Variants in TMEM233 observed in about 807,000 individuals in gnomAD.
TMEM233 encodes dispanin subfamily B member 2.
In TMEM233, 6 loss-of-function variants were observed where a neutral mutation model predicts 11.2. The ratio of observed to expected loss-of-function variants is 0.54; its 90% CI spans 0.29 to 1.06. The LOEUF (loss-of-function observed/expected upper bound fraction) is 1.06. Among genes scored for constraint, TMEM233 ranks in the 50% least tolerant of loss-of-function variants. TMEM233 has a pLI of 0.08. For missense variants in TMEM233, 127 were observed against 144.7 expected (o/e 0.88, Z 0.63); for synonymous variants, 59 against 55.8 (o/e 1.06, Z -0.26).
At chr12:119,609,496 C>T (rs899210899) in intron 1 of TMEM233, among the ~76,000 whole-genome samples, 1 of 152,200 alleles carries the variant, frequency 6.6e-6, no homozygotes, top group African/African-American at 2.4e-5. Context: ...TATCAGAGAC[C>T]TTCAAGGCAG....
rs1955066078 is a variant in TMEM233, at chr12:119,640,589, G to A, written c.324-110G>A. The A allele has an allele frequency of 2.4e-6, 3 of 1,259,234 alleles. No homozygotes were observed. In the East Asian group the frequency reaches 7.6e-5, roughly 32 times the overall value. The allele number at this position is 1,259,234 out of a possible 1,614,324, so 78.0% of individuals were successfully genotyped here. A position where few individuals can be genotyped will look rare whatever the true frequency, so the allele number is the denominator to read the frequency against. On this transcript the variant is annotated intron_variant, in intron 2 of 2. Transcript: ENST00000426426. ...CGCAGGCTGGTACATTTCAACATGTGTTTAACCAGAGTCATCATCATCAAA... is the reference window on the plus strand; with the variant it reads ...CGCAGGCTGGTACATTTCAACATGTATTTAACCAGAGTCATCATCATCAAA...
intron 2 of TMEM233, among the ~76,000 whole-genome samples, chr12:119,638,061 T>C (rs1955001735): frequency 6.6e-6 from 1 of 152,194 alleles, no homozygotes. Context: ...AACCCAGCAA[T>C]TCCACTGCTC....
chr12:119,613,054 G>A (rs966871681), intron 1 of TMEM233, among the ~76,000 whole-genome samples: 36 of 151,974 alleles, frequency 2.4e-4, no homozygotes, highest in Admixed American at 6.5e-5. Flanking sequence ...TTGGTTTGCT[G>A]CACCCATCAA....
At chr12:119,607,031 T>G (rs1035384937) in intron 1 of TMEM233, among the ~76,000 whole-genome samples, 3 of 152,214 alleles carry the variant, frequency 2.0e-5, no homozygotes, top group African/African-American at 7.2e-5. Context: ...GATCCTTCAT[T>G]CTTTATCAAT....
At chr12:119,613,757 C>A (rs984766864) in intron 1 of TMEM233, among the ~76,000 whole-genome samples, 4 of 152,210 alleles carry the variant, frequency 2.6e-5, no homozygotes, top group African/African-American at 9.6e-5. Context: ...TGAGGCTGCA[C>A]TGAGCTATGA....
At chr12:119,604,998 C>CTCTTTTTTT (rs567468740) in intron 1 of TMEM233, among the ~76,000 whole-genome samples, 1 of 141,456 alleles carries the variant, frequency 7.1e-6, no homozygotes. Context: ...CCCTCACTAT[C>CTCTTTTTTT]TTTTTTTTTT....
intron 1 of TMEM233, among the ~76,000 whole-genome samples, chr12:119,616,656 G>A (rs953874179): frequency 2.6e-5 from 4 of 152,162 alleles, no homozygotes; most frequent in Non-Finnish European, 5.9e-5. Context: ...TTATTAAAAT[G>A]TACATGGGTG....
At chr12:119,617,843 AAAAG>A (rs1298222865) in intron 1 of TMEM233, among the ~76,000 whole-genome samples, 1 of 152,214 alleles carries the variant, frequency 6.6e-6, no homozygotes, top group Non-Finnish European at 1.5e-5. Flanking sequence ...CAAAAAAACA[AAAAG>A]AAAGAAAGAA....
Position 119,626,483 on chromosome 12 carries a change from A to AG in TMEM233, c.187-3253_187-3252insG, listed in dbSNP as rs1458938504. 6.1e-5 allele frequency among the ~76,000 whole-genome samples: 6 copies of AG among 98,692 alleles called. 1 individual carries two copies. Among genetic ancestry groups the AG allele is most frequent in the South Asian group, 7.4e-4 (2 of 2,718 alleles). 64.7% of individuals were successfully genotyped at this position (98,692 alleles called of 152,430 possible). On this transcript the variant is annotated intron_variant, in intron 1 of 2. Transcript: ENST00000426426. ...AGACTCCGTCTCCGGAAAAAAAAAA[A>AG]AAAGAAGAAAAAGGAGGAGGAGGAG...
intron 1 of TMEM233, among the ~76,000 whole-genome samples, chr12:119,599,323 G>C (rs1026205299): frequency 1.3e-5 from 2 of 152,050 alleles, no homozygotes; most frequent in African/African-American, 4.8e-5. Context: ...ATAAATTCTT[G>C]AGAGGATGGA....
At chr12:119,613,361 TCTGTGC>T (rs1320358686) in intron 1 of TMEM233, among the ~76,000 whole-genome samples, 1 of 152,208 alleles carries the variant, frequency 6.6e-6, no homozygotes, top group East Asian at 1.9e-4. Flanking sequence ...TGAGATATGG[TCTGTGC>T]CTTCACGGAG....
chr12:119,642,340 G>A lies in TMEM233; in HGVS notation c.*1635G>A, dbSNP rs918492773. On this transcript the variant is annotated 3_prime_UTR_variant, in exon 3 of 3. Coordinates refer to ENST00000426426, the MANE Select transcript of TMEM233 (RefSeq NM_001136534.3). ...TGCATGCCTGTAATCCCAGCTAATA[G>A]AGAGGCTGAGGCAGGAGAATCACTT... 1.3e-5 allele frequency: 2 copies of A among 152,198 alleles called. No homozygotes were observed. The highest frequency in any genetic ancestry group is 3.9e-4 in the East Asian group (2 of 5,188). 9.4% of individuals were successfully genotyped at this position (152,198 alleles called of 1,614,324 possible).
chr12:119,601,993 T>C (rs1490756896), intron 1 of TMEM233, among the ~76,000 whole-genome samples: 1 of 152,164 alleles, frequency 6.6e-6, no homozygotes, highest in Non-Finnish European at 1.5e-5. Context: ...TGATAATGGA[T>C]GGTTGGCCTG....
Position 119,593,935 on chromosome 12 carries a change from G to T in TMEM233, c.87G>T (p.Glu29Asp), listed in dbSNP as rs1306128934. 1 of 1,551,744 alleles carries T rather than the reference G, an allele frequency of 6.4e-7. No individual in the cohort carries two copies. The highest frequency in any genetic ancestry group is 8.7e-7 in the Non-Finnish European group (1 of 1,146,988). Residue 29 changes from glutamate to aspartate, a missense_variant, in exon 1 of 3, where the codon GAG (glutamate) becomes GAT (aspartate). By Grantham distance (45) the Glu-to-Asp change is conservative. Transcript: ENST00000426426. The surrounding 1 kb of genome is among the most constrained non-coding windows in gnomAD (Gnocchi z 4.1). ...EANTEDDKTEEDVPMPKNYLW... is the reference protein window; with the variant it reads ...EANTEDDKTEDDVPMPKNYLW... ...ACACTGAAGATGACAAGACCGAGGA[G>T]GACGTGCCCATGCCCAAGAACTACC...
downstream of TMEM233, among the ~76,000 whole-genome samples, chr12:119,643,910 T>C (rs1955117744): frequency 6.6e-6 from 1 of 152,168 alleles, no homozygotes; most frequent in Admixed American, 6.5e-5. Flanking sequence ...AGCTGGATCC[T>C]GGTGCGCAGG....
chr12:119,624,237 G>A (rs1265235212), intron 1 of TMEM233, among the ~76,000 whole-genome samples: 1 of 151,880 alleles, frequency 6.6e-6, no homozygotes, highest in Non-Finnish European at 1.5e-5. Flanking sequence ...GTATGCACCT[G>A]TAGTCCCAGC....
At chr12:119,627,036 G>A (rs1487020371) in intron 1 of TMEM233, among the ~76,000 whole-genome samples, 3 of 152,232 alleles carry the variant, frequency 2.0e-5, no homozygotes, top group Non-Finnish European at 2.9e-5. Flanking sequence ...AGGCAGAGGA[G>A]CAAGTGGGAT....
intron 1 of TMEM233, among the ~76,000 whole-genome samples, chr12:119,616,565 G>A (rs1335941548): frequency 6.6e-6 from 1 of 152,176 alleles, no homozygotes; most frequent in Non-Finnish European, 1.5e-5. Flanking sequence ...GGACGTGGAG[G>A]AAAGGTGCGA....
At chr12:119,648,443 C>G in the TMEM233 span, among the ~76,000 whole-genome samples, 1 of 152,196 alleles carries the variant, frequency 6.6e-6, no homozygotes, top group African/African-American at 2.4e-5. Context: ...TTCCTCCTGG[C>G]TAATGTCCAC....
Sources: gnomAD v4.1 joint callset for allele counts (sites outside exome capture counted in the v4.1 genomes callset) on GRCh38, gnomAD v4.1.1 for gene constraint, Gnocchi (gnomAD v3.1) non-coding constraint, MANE v1.5 for transcripts, NCBI Gene and HGNC (gene_info 2026-07-23, HGNC 2026-07-21) for gene names.